Variants in TPO observed in about 807,000 individuals in gnomAD.
The protein encoded by TPO is thyroid peroxidase, also known as thyroid microsomal antigen.
A neutral mutation model predicts 96.9 loss-of-function variants in TPO; 78 were observed. That is an observed-to-expected ratio of 0.81 (90% CI 0.67 to 0.97). TPO has a LOEUF of 0.97. Ranked by LOEUF, TPO falls within the 50% of genes least tolerant of loss-of-function variation. The pLI, the probability that TPO is intolerant of heterozygous loss-of-function variation, is 0.00. For synonymous variants in TPO, 547 were observed against 538.0 expected (o/e 1.02, Z -0.23); for missense variants, 1,252 against 1,274.8 (o/e 0.98, Z 0.27).
rs1163750129 is a variant in TPO at position 1,541,076 on chromosome 2, T to C, written c.2748+353T>C. On this transcript the variant is annotated intron_variant, in intron 16 of 16. Coordinates refer to ENST00000329066, the MANE Select transcript of TPO (RefSeq NM_001206744.2). ...TGACTTTTAAATTCTGATTTTTAAG[T>C]GGAATAGTTATAATCAGTGTGGAAA... The C allele has an allele frequency of 3.2e-6, 4 of 1,231,122 alleles. No individual in the cohort carries two copies. In the African/African-American group the frequency reaches 6.2e-5, roughly 19 times the overall value. The allele number at this position is 1,231,122 out of a possible 1,614,324, so 76.3% of individuals were successfully genotyped here.
intron 3 of TPO, among the ~76,000 whole-genome samples, chr2:1,432,441 G>A (rs143797831): frequency 3.9e-5 from 6 of 152,318 alleles, no homozygotes; most frequent in African/African-American, 7.2e-5. Context: ...ATCTAAAAAG[G>A]CCAGGTGCTT....
chr2:1,488,576 C>T (rs1429940641), intron 10 of TPO, among the ~76,000 whole-genome samples: 1 of 152,180 alleles, frequency 6.6e-6, no homozygotes, highest in African/African-American at 2.4e-5. Context: ...AGGCCCACCT[C>T]AGCCTTCCCT....
intron 3 of TPO, 43 bp downstream of exon 3, chr2:1,423,172 GGC>G (rs775725103): frequency 6.3e-7 from 1 of 1,587,772 alleles, no homozygotes; most frequent in South Asian, 1.1e-5. Context: ...GCCACCGACA[GGC>G]GCATCCTCCC....
chr2:1,494,565 C>T (rs2124929482), intron 11 of TPO, among the ~76,000 whole-genome samples: 1 of 152,162 alleles, frequency 6.6e-6, no homozygotes, highest in East Asian at 1.9e-4. Flanking sequence ...TCTGCTCCCT[C>T]CTCAAGTTCA....
At chr2:1,447,452 C>T (rs561237034) in intron 5 of TPO, among the ~76,000 whole-genome samples, 32 of 152,298 alleles carry the variant, frequency 2.1e-4, no homozygotes, top group African/African-American at 7.0e-4. Context: ...TGATTGATGT[C>T]TTGTGTCTCC....
intron 10 of TPO, among the ~76,000 whole-genome samples, chr2:1,488,484 C>T (rs944288074): frequency 6.6e-6 from 1 of 152,120 alleles, no homozygotes; most frequent in Non-Finnish European, 1.5e-5. Flanking sequence ...GTGCTCCCCA[C>T]ACCCCACCCG....
chr2:1,487,749 A>T lies in TPO; in HGVS notation c.1598-72A>T, dbSNP rs1671309016. 16 of 1,596,246 alleles carry T rather than the reference A, an allele frequency of 1.0e-5. 1 individual carries two copies. The South Asian group carries it at 1.7e-4, about 17-fold the overall frequency. ...ATGAGACTCCGTCTCAAAAAAAAAA[A>T]AAATTGAGATATTGTTGTTTCTCTA... On this transcript the variant is annotated intron_variant, in intron 9 of 16. Transcript: ENST00000329066.
At chr2:1,492,729 G>A (rs990188121) in intron 10 of TPO, among the ~76,000 whole-genome samples, 1 of 152,220 alleles carries the variant, frequency 6.6e-6, no homozygotes, top group Non-Finnish European at 1.5e-5. Context: ...GTTGCTGTGC[G>A]TGTGCTTGTC....
chr2:1,516,097 G>T (rs1674673654), intron 14 of TPO, among the ~76,000 whole-genome samples: 1 of 152,026 alleles, frequency 6.6e-6, no homozygotes, highest in Non-Finnish European at 1.5e-5. Context: ...AGAAGCCAAG[G>T]GCTGGAGCCC....
chr2:1,392,915 G>C (rs1268333808), intron 1 of TPO, among the ~76,000 whole-genome samples: 1 of 151,976 alleles, frequency 6.6e-6, no homozygotes. Flanking sequence ...AGATACTTAG[G>C]ATGAAAATGA....
chr2:1,480,811 G>A (rs370723013), intron 8 of TPO, among the ~76,000 whole-genome samples: 52 of 151,978 alleles, frequency 3.4e-4, no homozygotes, highest in East Asian at 1.2e-3. Flanking sequence ...TGCTGCATCC[G>A]TCCACACCAC....
Position 1,496,622 on chromosome 2 carries a change from T to C in TPO, c.2243T>C (p.Val748Ala). The C allele has an allele frequency of 6.2e-7, 1 of 1,613,902 alleles. No individual in the cohort carries two copies. The highest frequency in any genetic ancestry group is 8.5e-7 in the Non-Finnish European group (1 of 1,179,990). Residue 748 changes from valine (V) to alanine (A), a missense_variant, in exon 13 of 17, where the codon GTG (valine) becomes GCG (alanine). Physicochemically the swap from Val to Ala is moderately conservative, Grantham distance 64. Coordinates refer to ENST00000329066, the MANE Select transcript of TPO (RefSeq NM_001206744.2). Reference protein sequence around the residue: ...QDDKCGFPESVENGDFVHCEE... With the variant: ...QDDKCGFPESAENGDFVHCEE... ...GACAAGTGTGGCTTCCCAGAGAGCGTGGAGAATGGGGACTTTGTGCACTGT... is the reference window on the plus strand; with the variant it reads ...GACAAGTGTGGCTTCCCAGAGAGCGCGGAGAATGGGGACTTTGTGCACTGT...
intron 1 of TPO, among the ~76,000 whole-genome samples, chr2:1,403,983 A>C (rs1662210419): frequency 6.6e-6 from 1 of 152,224 alleles, no homozygotes; most frequent in Admixed American, 6.5e-5. Context: ...GCACCAATTC[A>C]GAGTCTTCTC....
chr2:1,450,573 G>T (rs1667218663), intron 5 of TPO, among the ~76,000 whole-genome samples: 1 of 152,180 alleles, frequency 6.6e-6, no homozygotes, highest in Non-Finnish European at 1.5e-5. Context: ...CACTGGGAAA[G>T]GATCTTTCCA....
chr2:1,465,514 A>G (rs542045151), intron 7 of TPO, among the ~76,000 whole-genome samples: 1 of 150,760 alleles, frequency 6.6e-6, no homozygotes, highest in African/African-American at 2.4e-5. Context: ...CACAATATTG[A>G]CTCTACCCAT....
At chr2:1,540,839 T>C (rs1309109791) in intron 16 of TPO, 116 bp downstream of exon 16, 1 of 1,580,328 alleles carries the variant, frequency 6.3e-7, no homozygotes, top group African/African-American at 1.4e-5. Context: ...CCGTGTTTCC[T>C]AGTCCGTTCT....
intron 15 of TPO, among the ~76,000 whole-genome samples, chr2:1,537,499 CAAATCCCCCCA>C (rs1680060661): frequency 2.2e-5 from 1 of 46,188 alleles, no homozygotes; most frequent in Non-Finnish European, 4.0e-5. Context: ...GCAGCCTCCC[CAAATCCCCCCA>C]ACTCTGTGCA....
chr2:1,470,557 A>G (rs1007137727), intron 7 of TPO, among the ~76,000 whole-genome samples: 3 of 150,084 alleles, frequency 2.0e-5, no homozygotes, highest in Non-Finnish European at 3.0e-5. Context: ...ATTTTTCTAT[A>G]TTTTATTTTA....
At chr2:1,462,924 T>C (rs550430465) in intron 7 of TPO, among the ~76,000 whole-genome samples, 3 of 152,364 alleles carry the variant, frequency 2.0e-5, no homozygotes, top group Non-Finnish European at 4.4e-5. Context: ...AGTGATATTA[T>C]GGAAATGGTA....
Sources: allele counts gnomAD v4.1 joint callset (sites outside exome capture counted in the v4.1 genomes callset), GRCh38; gene constraint gnomAD v4.1.1; transcripts MANE v1.5; gene names NCBI Gene and HGNC (gene_info 2026-07-23, HGNC 2026-07-21).